The following KCTD20 variants were observed in gnomAD, a reference collection of about 807,000 sequenced individuals.
The protein encoded by KCTD20 is potassium channel tetramerization domain containing 20, also known as BTB/POZ domain-containing protein KCTD20.
Under a neutral mutation model 39.6 loss-of-function variants are expected in KCTD20, and 30 were observed. The observed-to-expected ratio is 0.76, with a 90% confidence interval of 0.57 to 1.03. KCTD20 has a LOEUF of 1.03. Ranked by LOEUF, KCTD20 falls within the 50% of genes least tolerant of loss-of-function variation. The pLI is 0.00. For missense variants in KCTD20, 422 were observed against 522.0 expected, an observed-to-expected ratio of 0.81 and a Z score of 1.87; for synonymous variants, 162 against 180.6, an observed-to-expected ratio of 0.90 and a Z score of 0.83.
At chr6:36,465,800 A>G (rs1212002584) in intron 1 of KCTD20, 2 of 152,234 alleles carry the variant, frequency 1.3e-5, no homozygotes, top group Non-Finnish European at 1.5e-5. Context: ...CTCAGAGTGT[A>G]TAAAATGCTT....
chr6:36,461,772 A>C (rs1161532211), intron 1 of KCTD20, among the ~76,000 whole-genome samples: 1 of 152,202 alleles, frequency 6.6e-6, no homozygotes, highest in Non-Finnish European at 1.5e-5. Flanking sequence ...TAGGAGTGTC[A>C]AATAGAGGAG....
chr6:36,477,744 A>C (rs1776110258), intron 3 of KCTD20, among the ~76,000 whole-genome samples: 1 of 149,430 alleles, frequency 6.7e-6, no homozygotes, highest in South Asian at 2.1e-4. Flanking sequence ...CTCGGCTCCC[A>C]AAGTGCTGGG....
At chr6:36,478,998 G>GC (rs1302627329) in intron 3 of KCTD20, 123 bp from the exon 4 acceptor site, 1 of 663,704 alleles carries the variant, frequency 1.5e-6, no homozygotes, top group Admixed American at 2.8e-5. Flanking sequence ...CCAGTGCTGT[G>GC]TTTTTAATTT....
chr6:36,481,318 C>G (rs1776241827), intron 5 of KCTD20, among the ~76,000 whole-genome samples: 1 of 152,162 alleles, frequency 6.6e-6, no homozygotes, highest in Admixed American at 6.5e-5. Context: ...GTAAGTCCAA[C>G]AAAACCTCGA....
chr6:36,488,308 G>A lies in KCTD20; in HGVS notation c.*1133G>A, dbSNP rs1361170001. 6.6e-6 allele frequency: 1 copy of A among 152,164 alleles called. No individual in the cohort carries two copies. The highest frequency in any genetic ancestry group is 2.4e-5 in the African/African-American group (1 of 41,428). 9.4% of individuals were successfully genotyped at this position (152,164 alleles called of 1,614,324 possible). On this transcript the variant is annotated 3_prime_UTR_variant, in exon 8 of 8. Transcript: ENST00000373731. Reference sequence around the variant, plus strand: ...ATACCAATGTCATCCCCAAAGGAAGGGTGAGCTGAATGGAAATTAAGCCCA... The same window carrying A: ...ATACCAATGTCATCCCCAAAGGAAGAGTGAGCTGAATGGAAATTAAGCCCA...
At chr6:36,455,420 G>T (rs1373528889) in intron 1 of KCTD20, among the ~76,000 whole-genome samples, 2 of 152,054 alleles carry the variant, frequency 1.3e-5, no homozygotes, top group Non-Finnish European at 2.9e-5. Flanking sequence ...AACAAAAACA[G>T]AACAAACAAA....
intron 2 of KCTD20, among the ~76,000 whole-genome samples, chr6:36,470,561 T>G (rs1328699415): frequency 6.6e-6 from 1 of 152,188 alleles, no homozygotes; most frequent in African/African-American, 2.4e-5. Flanking sequence ...GATGAGATCC[T>G]CAGTCTTTCT....
At chr6:36,474,570 C>G (rs1776006030) in intron 2 of KCTD20, among the ~76,000 whole-genome samples, 1 of 152,150 alleles carries the variant, frequency 6.6e-6, no homozygotes, top group African/African-American at 2.4e-5. Context: ...TCTCCCTCCC[C>G]CAACCCTCAC....
At chr6:36,476,160 C>CT (rs1776056406) in intron 3 of KCTD20, among the ~76,000 whole-genome samples, 1 of 151,998 alleles carries the variant, frequency 6.6e-6, no homozygotes, top group Admixed American at 6.6e-5. Flanking sequence ...TTCTGGCCAA[C>CT]CATAGACCTT....
At chr6:36,458,431 C>T (rs1775501691) in intron 1 of KCTD20, among the ~76,000 whole-genome samples, 1 of 150,174 alleles carries the variant, frequency 6.7e-6, no homozygotes, top group Non-Finnish European at 1.5e-5. Context: ...ATCCTAGCTA[C>T]TCAGGAGGCT....
At chr6:36,466,259 C>T (rs1280469193) in intron 1 of KCTD20, among the ~76,000 whole-genome samples, 3 of 151,762 alleles carry the variant, frequency 2.0e-5, no homozygotes, top group East Asian at 3.9e-4. Flanking sequence ...GACGGGGTTT[C>T]ACCATGTTGG....
chr6:36,444,383 C>CT (rs1301274223), intron 1 of KCTD20, among the ~76,000 whole-genome samples: 3 of 152,168 alleles, frequency 2.0e-5, no homozygotes, highest in Non-Finnish European at 4.4e-5. Context: ...AAAGATAGTG[C>CT]TTTTTTTGAC....
intron 1 of KCTD20, among the ~76,000 whole-genome samples, chr6:36,454,594 G>C (rs1775373201): frequency 6.6e-6 from 1 of 151,740 alleles, no homozygotes; most frequent in African/African-American, 2.4e-5. Flanking sequence ...CACCCAGCTG[G>C]GCCTCCCAAA....
chr6:36,483,877 C>T (rs566013358), intron 6 of KCTD20, among the ~76,000 whole-genome samples: 461 of 151,426 alleles, frequency 3.0e-3, no homozygotes, highest in Non-Finnish European at 5.0e-3. Flanking sequence ...TAAAAAAAAA[C>T]GGCAGAATCT....
chr6:36,476,652 A>T (rs1430456376), intron 3 of KCTD20, among the ~76,000 whole-genome samples: 3 of 150,786 alleles, frequency 2.0e-5, no homozygotes, highest in Non-Finnish European at 3.0e-5. Flanking sequence ...CTGGTCTTGA[A>T]CTCCTGACCT....
chr6:36,479,071 G>C, intron 3 of KCTD20, 50 bp from the exon 4 acceptor site: 1 of 1,205,960 alleles, frequency 8.3e-7, no homozygotes, highest in Non-Finnish European at 1.2e-6. Context: ...AATCTCATCT[G>C]TGAAGAATCA....
At chr6:36,467,207 C>A (rs1421898801) in intron 1 of KCTD20, among the ~76,000 whole-genome samples, 1 of 147,916 alleles carries the variant, frequency 6.8e-6, no homozygotes, top group Non-Finnish European at 1.5e-5. Flanking sequence ...ACTTGGGAGG[C>A]TGAGGCAGGA....
In KCTD20 at chr6:36,475,072, G is replaced by A. The variant is rs764350877; in HGVS notation, c.434+10G>A. On this transcript the variant is annotated intron_variant, in intron 3 of 7. Transcript: ENST00000373731. ...ATACCATGCTGGGAAGGTAACTGAT[G>A]ATAATTTTCTTCCAAATTCATTCTG... 2 of 1,606,662 alleles carry A rather than the reference G, an allele frequency of 1.2e-6. No homozygotes were observed. Among genetic ancestry groups the A allele is most frequent in the Non-Finnish European group, 1.7e-6 (2 of 1,176,616 alleles).
At position 36,474,936 on chromosome 6, in the gene KCTD20, G is replaced by C; in HGVS notation, c.308G>C (p.Ser103Thr). The C allele has an allele frequency of 6.2e-7, 1 of 1,614,164 alleles. No individual in the cohort carries two copies. Among genetic ancestry groups the C allele is most frequent in the Non-Finnish European group, 8.5e-7 (1 of 1,180,032 alleles). ...PFIAPERFGN[S>T]SVGFGSNSHS... ...ATTGCTCCAGAAAGATTTGGAAACA[G>C]TAGTGTGGGCTTTGGCAGTAATTCC... The change falls in exon 3 of 8, where the codon AGT becomes ACT. Residue 103 changes from serine (S) to threonine (T), a missense_variant. By Grantham distance (58) the Ser-to-Thr change is moderately conservative. Coordinates refer to ENST00000373731, the MANE Select transcript of KCTD20 (RefSeq NM_173562.5).
Sources: allele counts gnomAD v4.1 joint callset (sites outside exome capture counted in the v4.1 genomes callset), GRCh38; gene constraint gnomAD v4.1.1; transcripts MANE v1.5; gene names NCBI Gene and HGNC (gene_info 2026-07-23, HGNC 2026-07-21).